Variants in TOP3A observed in about 807,000 individuals in gnomAD.
TOP3A encodes DNA topoisomerase III alpha.
In TOP3A, 64 loss-of-function variants were observed where a neutral mutation model predicts 111.3. The ratio of observed to expected loss-of-function variants is 0.57; its 90% confidence interval spans 0.47 to 0.71. The LOEUF (loss-of-function observed/expected upper bound fraction) is 0.71, where lower values mean the gene tolerates loss of function less well. Ranked by LOEUF, TOP3A falls within the 30% of genes least tolerant of loss-of-function variation. The pLI, the probability that TOP3A is intolerant of heterozygous loss-of-function variation, is 0.00. For missense variants in TOP3A, 1,104 were observed against 1,285.0 expected, an observed-to-expected ratio of 0.86 and a Z score of 2.15; for synonymous variants, 484 against 485.1, an observed-to-expected ratio of 1.00 and a Z score of 0.03.
rs761880737 is a variant in TOP3A at position 18,278,306 on chromosome 17, C to T, written c.2196G>A (p.Glu732=). ...RGSLPPTMPL[E]FVCCIGGCDD... is the part of the protein sequence containing the mutation. The stretch of plus-strand genomic sequence containing the variant: ...CGCATCCGCCGATGCAGCAAACAAA[C>T]TCCAGAGGCATGGTCGGGGGAAGGC... Residue 732 remains glutamate (E), a synonymous_variant, in exon 18 of 19, where the codon GAG becomes GAA. Transcript: ENST00000321105. 1.3e-5 allele frequency: 20 copies of T among 1,521,494 alleles called. No individual in the cohort carries two copies. Among genetic ancestry groups the T allele is most frequent in the Non-Finnish European group, 1.8e-5 (20 of 1,134,874 alleles). The allele number at this position is 1,521,494 out of a possible 1,614,324, so 94.2% of individuals were successfully genotyped here.
rs757661049 is a variant in TOP3A at position 18,306,979 on chromosome 17, T to C, written c.315-13A>G. 4.4e-6 allele frequency: 7 copies of C among 1,605,292 alleles called. No individual in the cohort carries two copies. Among genetic ancestry groups the C allele is most frequent in the African/African-American group, 1.3e-5 (1 of 74,682 alleles). ...GTTGCAGCTCTGCCTAGAAAAGAAA[T>C]GAAAACAGAGTCCCAACTCAGTACA... is the stretch of plus-strand genomic sequence containing the variant. On this transcript the variant is annotated splice_polypyrimidine_tract_variant and intron_variant, in intron 3 of 18. Transcript: ENST00000321105.
chr17:18,280,258 G>A (rs1597956412), intron 17 of TOP3A: 2 of 238,836 alleles, frequency 8.4e-6, no homozygotes, highest in East Asian at 1.6e-4. Flanking sequence ...TCCTAAGCCT[G>A]GTGTAGCAAT....
At chr17:18,275,461 G>A (rs948423571) in intron 18 of TOP3A, among the ~76,000 whole-genome samples, 5 of 147,192 alleles carry the variant, frequency 3.4e-5, no homozygotes, top group East Asian at 4.2e-4. Context: ...CCGGGTTCAC[G>A]CCATTCTCCT....
At chr17:18,290,049 G>A (rs1253201823) in intron 13 of TOP3A, among the ~76,000 whole-genome samples, 3 of 152,328 alleles carry the variant, frequency 2.0e-5, no homozygotes, top group Middle Eastern at 6.8e-3. Context: ...ACATACATGA[G>A]GCCAGCGTGA....
At chr17:18,300,174 G>C (rs750906570) in intron 8 of TOP3A, among the ~76,000 whole-genome samples, 131 of 73,588 alleles carry the variant, frequency 1.8e-3, no homozygotes, top group Non-Finnish European at 9.9e-4. Flanking sequence ...GAGGCGGGCG[G>C]ATTACAAGGT....
chr17:18,308,694 T>A, intron 2 of TOP3A, 188 bp downstream of exon 2: 1 of 489,174 alleles, frequency 2.0e-6, no homozygotes, highest in Non-Finnish European at 3.6e-6. Context: ...AATGAAGAGC[T>A]GAGATGGGAC....
At chr17:18,281,574 T>A (rs986067850) in intron 16 of TOP3A, among the ~76,000 whole-genome samples, 2 of 152,158 alleles carry the variant, frequency 1.3e-5, no homozygotes, top group Non-Finnish European at 2.9e-5. Context: ...TCGACAGCAT[T>A]TATTAAGTGC....
At chr17:18,285,579 C>A in intron 13 of TOP3A, 59 bp from the exon 14 acceptor site, 3 of 1,455,618 alleles carry the variant, frequency 2.1e-6, no homozygotes, top group Admixed American at 1.8e-5. Flanking sequence ...ACCCGGGTGG[C>A]GCATGGGCAC....
intron 17 of TOP3A, among the ~76,000 whole-genome samples, chr17:18,280,018 G>A (rs189229432): frequency 6.0e-4 from 91 of 152,158 alleles, no homozygotes; most frequent in Non-Finnish European, 1.0e-3. Flanking sequence ...AGGCATAGTG[G>A]TGCATGCCTG....
chr17:18,285,075 G>C, intron 15 of TOP3A, 67 bp downstream of exon 15: 1 of 1,562,820 alleles, frequency 6.4e-7, no homozygotes, highest in East Asian at 2.2e-5. Flanking sequence ...GATCTCTTGA[G>C]GCCAGGAGTT....
In TOP3A at chr17:18,278,336, G is replaced by C. The variant is rs150782687; in HGVS notation, c.2166C>G (p.Arg722=). ...GAGGCATGGTCGGGGGAAGGCTACCGCGCTTAAACTTTAACTTTAACCTAG... is the reference window on the plus strand; with the variant it reads ...GAGGCATGGTCGGGGGAAGGCTACCCCGCTTAAACTTTAACTTTAACCTAG... ...PVYRLKLKFK[R]GSLPPTMPLE... is the part of the protein sequence containing the mutation. The change falls in exon 18 of 19, where the codon CGC becomes CGG. Residue 722 remains arginine, a synonymous_variant. Coordinates refer to ENST00000321105, the MANE Select transcript of TOP3A (RefSeq NM_004618.5). 1.3e-6 allele frequency: 2 copies of C among 1,513,488 alleles called. No individual in the cohort carries two copies. The highest frequency in any genetic ancestry group is 4.6e-5 in the East Asian group (2 of 43,856). The allele number at this position is 1,513,488 out of a possible 1,614,324, so 93.8% of individuals were successfully genotyped here. A position where few individuals can be genotyped will look rare whatever the true frequency, so the allele number is the denominator to read the frequency against.
intron 9 of TOP3A, 32 bp downstream of exon 9, chr17:18,299,527 C>T (rs761667129): frequency 4.4e-6 from 7 of 1,603,728 alleles, no homozygotes; most frequent in East Asian, 2.2e-5. Context: ...AAGTGTTCCC[C>T]GAGTGCCTGA....
chr17:18,294,902 AAC>A (rs1480006393), intron 9 of TOP3A, 117 bp from the exon 10 acceptor site: 2 of 689,236 alleles, frequency 2.9e-6, no homozygotes, highest in African/African-American at 3.6e-5. Flanking sequence ...GCTTCTGTCA[AAC>A]AGAGCTGAAA....
intron 9 of TOP3A, among the ~76,000 whole-genome samples, chr17:18,298,342 GC>G (rs1980985132): frequency 6.7e-6 from 1 of 148,990 alleles, no homozygotes. Context: ...GGGAGGGTCA[GC>G]CCCCCGCCCG....
chr17:18,310,119 T>A (rs553361946), intron 1 of TOP3A, among the ~76,000 whole-genome samples: 1 of 152,206 alleles, frequency 6.6e-6, no homozygotes, highest in South Asian at 2.1e-4. Flanking sequence ...GATAGAATAT[T>A]ATTCAGCCAT....
chr17:18,303,922 G>C (rs1023761324), intron 5 of TOP3A, among the ~76,000 whole-genome samples: 1 of 152,130 alleles, frequency 6.6e-6, no homozygotes, highest in African/African-American at 2.4e-5. Context: ...CACAGGTGTG[G>C]AGGGGCAGGC....
chr17:18,312,099 TACTCTATAAGTG>T (rs1248502935), intron 1 of TOP3A: 4 of 152,300 alleles, frequency 2.6e-5, no homozygotes, highest in African/African-American at 9.6e-5. Context: ...AGAGCCGCTG[TACTCTATAAGTG>T]GCTGATGTGC....
At chr17:18,313,147 T>A (rs1982015977) in intron 1 of TOP3A, 1 of 152,344 alleles carries the variant, frequency 6.6e-6, no homozygotes, top group Non-Finnish European at 1.5e-5. Flanking sequence ...AATATGGAGT[T>A]TCTCTGGCCA....
intron 13 of TOP3A, among the ~76,000 whole-genome samples, chr17:18,290,181 T>C (rs573120955): frequency 6.6e-6 from 1 of 152,356 alleles, no homozygotes; most frequent in South Asian, 2.1e-4. Context: ...ATAGATTTTA[T>C]GATAACTGTC....
Sources: gnomAD v4.1 joint callset for allele counts (sites outside exome capture counted in the v4.1 genomes callset) on GRCh38, gnomAD v4.1.1 for gene constraint, MANE v1.5 for transcripts, NCBI Gene and HGNC (gene_info 2026-07-23, HGNC 2026-07-21) for gene names.